Variants in SHISA5 observed in about 807,000 individuals in gnomAD.
SHISA5 encodes shisa family member 5, also known as protein shisa-5.
In SHISA5, 21 loss-of-function variants were observed where a neutral mutation model predicts 27.5. The observed-to-expected ratio is 0.76, with a 90% CI of 0.54 to 1.10. SHISA5 has a LOEUF of 1.10. Ranked by LOEUF, SHISA5 falls within the 50% of genes least tolerant of loss-of-function variation. SHISA5 has a pLI of 0.00. For missense variants in SHISA5, 314 were observed against 336.3 expected (o/e 0.93, Z 0.52); for synonymous variants, 137 against 142.2 (o/e 0.96, Z 0.26).
In SHISA5 at chr3:48,470,014, G is replaced by A. The variant is rs1415445637; in HGVS notation, c.315-171C>T. ...CAATCTGTTTCCTCTTGTGTAAACTGGGGTATATGTGAGTCCCTGTAACTG... is the reference window on the plus strand; with the variant it reads ...CAATCTGTTTCCTCTTGTGTAAACTAGGGTATATGTGAGTCCCTGTAACTG... On this transcript the variant is annotated intron_variant, in intron 3 of 5. Coordinates refer to ENST00000296444, the MANE Select transcript of SHISA5 (RefSeq NM_016479.6). This position sits in a 1 kb window ranked among gnomAD's most constrained non-coding sequence, Gnocchi z 4.3. 8.3e-6 allele frequency: 7 copies of A among 839,804 alleles called. No individual in the cohort carries two copies. The highest frequency in any genetic ancestry group is 1.3e-5 in the Non-Finnish European group (7 of 543,628). 52.0% of individuals were successfully genotyped at this position (839,804 alleles called of 1,614,324 possible). A position where few individuals can be genotyped will look rare whatever the true frequency, so the allele number is the denominator to read the frequency against.
At chr3:48,486,461 T>TA (rs377736172) in intron 2 of SHISA5, among the ~76,000 whole-genome samples, 1 of 106,128 alleles carries the variant, frequency 9.4e-6, no homozygotes, top group African/African-American at 4.0e-5. Context: ...TATTATATAT[T>TA]TATAATTATA....
chr3:48,471,102 A>T (rs1156232270), intron 3 of SHISA5, among the ~76,000 whole-genome samples: 1 of 151,910 alleles, frequency 6.6e-6, no homozygotes, highest in African/African-American at 2.4e-5. Context: ...ATCACAGTTC[A>T]CTGCAGCCTC....
At chr3:48,500,846 C>T (rs952960356) in intron 2 of SHISA5, among the ~76,000 whole-genome samples, 3 of 152,272 alleles carry the variant, frequency 2.0e-5, no homozygotes, top group South Asian at 4.1e-4. Context: ...GGTACACACC[C>T]GGGGTGAGTC....
Position 48,469,303 on chromosome 3 carries a change from G to T in SHISA5, c.643+58C>A, listed in dbSNP as rs767337391. 1.9e-6 allele frequency: 3 copies of T among 1,566,346 alleles called. No individual in the cohort carries two copies. Among genetic ancestry groups the T allele is most frequent in the Middle Eastern group, 1.8e-4 (1 of 5,536 alleles). On this transcript the variant is annotated intron_variant, in intron 5 of 5. Coordinates refer to ENST00000296444, the MANE Select transcript of SHISA5 (RefSeq NM_016479.6). The surrounding 1 kb of genome is among the most constrained non-coding windows in gnomAD (Gnocchi z 4.6). ...GATGTAGTTTGGGATGGGTGCCCGAGGGATGCTGGCAGAGACTCGGGAAGT... is the reference window on the plus strand; with the variant it reads ...GATGTAGTTTGGGATGGGTGCCCGATGGATGCTGGCAGAGACTCGGGAAGT...
rs997708659 is a variant in SHISA5, at chr3:48,495,324, C to T, written c.233+5813G>A. Among the ~76,000 whole-genome samples, 8 of 77,320 alleles carry T rather than the reference C, an allele frequency of 1.0e-4. 1 individual carries two copies. Among genetic ancestry groups the T allele is most frequent in the African/African-American group, 5.2e-4 (7 of 13,352 alleles). The allele number at this position is 77,320 out of a possible 152,430, so 50.7% of individuals were successfully genotyped here. A position where few individuals can be genotyped will look rare whatever the true frequency, so the allele number is the denominator to read the frequency against. ...ACCCAGAAAAAATATGTTCCTTTTA[C>T]GACGCTTTTTTTTTTTTTTTAATAG... On this transcript the variant is annotated intron_variant, in intron 2 of 5. Transcript: ENST00000296444.
intron 1 of SHISA5, chr3:48,503,714 A>C (rs1575337815): frequency 8.5e-7 from 1 of 1,179,670 alleles, no homozygotes; most frequent in Non-Finnish European, 1.1e-6. Flanking sequence ...CAGGCAGGGA[A>C]CCCTACCCTA....
intron 3 of SHISA5, among the ~76,000 whole-genome samples, chr3:48,475,877 C>T (rs1164688610): frequency 6.6e-6 from 1 of 152,196 alleles, no homozygotes. Flanking sequence ...CAGAGATTCA[C>T]TTGCCAAAGT....
chr3:48,503,855 G>A, intron 1 of SHISA5, 164 bp downstream of exon 1: 1 of 1,308,020 alleles, frequency 7.6e-7, no homozygotes, highest in Non-Finnish European at 9.7e-7. Context: ...TGCTGGGGTG[G>A]AGGAGGGGTC....
chr3:48,497,557 G>A (rs564519274), intron 2 of SHISA5, among the ~76,000 whole-genome samples: 24 of 151,364 alleles, frequency 1.6e-4, no homozygotes, highest in African/African-American at 5.1e-4. Context: ...CACCGCACCC[G>A]GCCAGAAAAA....
intron 2 of SHISA5, 104 bp downstream of exon 2, chr3:48,501,033 G>T: frequency 7.7e-7 from 1 of 1,297,796 alleles, no homozygotes; most frequent in Non-Finnish European, 1.1e-6. Context: ...CCACCATCTT[G>T]AGAGGGCTGA....
chr3:48,499,629 A>G (rs2041691545), intron 2 of SHISA5, among the ~76,000 whole-genome samples: 2 of 147,500 alleles, frequency 1.4e-5, no homozygotes, highest in Admixed American at 6.9e-5. Flanking sequence ...GCAGTGAGCC[A>G]AGATCGCACC....
At chr3:48,501,020 T>C (rs556239900) in intron 2 of SHISA5, 117 bp downstream of exon 2, 13 of 1,206,412 alleles carry the variant, frequency 1.1e-5, no homozygotes, top group African/African-American at 1.1e-4. Flanking sequence ...TCCAATGCTC[T>C]GGCCACCATC....
At chr3:48,489,775 A>C (rs571724096) in intron 2 of SHISA5, among the ~76,000 whole-genome samples, 1 of 150,826 alleles carries the variant, frequency 6.6e-6, no homozygotes, top group Non-Finnish European at 1.5e-5. Flanking sequence ...CTACAAGTGC[A>C]TGCTACCATG....
At position 48,474,099 on chromosome 3, in the gene SHISA5, T is replaced by C. The variant is rs148987986; in HGVS notation, c.315-4256A>G. On this transcript the variant is annotated intron_variant, in intron 3 of 5. Coordinates refer to ENST00000296444, the MANE Select transcript of SHISA5 (RefSeq NM_016479.6). ...AATAAAGGAAATTTTATTATTATTATTTTTTTGAGGCAGGGTCTCACTCTG... is the reference window on the plus strand; with the variant it reads ...AATAAAGGAAATTTTATTATTATTACTTTTTTGAGGCAGGGTCTCACTCTG... Among the ~76,000 whole-genome samples, 3 of 151,800 alleles carry C rather than the reference T, an allele frequency of 2.0e-5. No individual in the cohort carries two copies. The East Asian group carries it at 5.9e-4, about 30-fold the overall frequency.
intron 1 of SHISA5, chr3:48,503,141 G>A: frequency 2.3e-6 from 3 of 1,289,836 alleles, no homozygotes; most frequent in Non-Finnish European, 3.0e-6. Flanking sequence ...TGGCTCAGGT[G>A]AACCCATATG....
intron 2 of SHISA5, among the ~76,000 whole-genome samples, chr3:48,485,701 G>C (rs896969824): frequency 2.0e-5 from 3 of 149,414 alleles, no homozygotes; most frequent in Non-Finnish European, 4.4e-5. Flanking sequence ...AAAGAAATCA[G>C]TGTGAAAGCT....
intron 3 of SHISA5, chr3:48,477,215 C>T: frequency 2.7e-6 from 1 of 374,626 alleles, no homozygotes. Context: ...CTGCCTCAGC[C>T]TACAGAGTAG....
chr3:48,492,044 GAGT>G (rs71074253), intron 2 of SHISA5, among the ~76,000 whole-genome samples: 11,658 of 149,116 alleles, frequency 0.078, 946 homozygotes, highest in African/African-American at 0.21. Flanking sequence ...TTAGAGTTAA[GAGT>G]AGTTGATGCT....
chr3:48,496,390 G>A lies in SHISA5; in HGVS notation c.233+4747C>T, dbSNP rs553639608. Among the ~76,000 whole-genome samples the A allele has an allele frequency of 1.6e-4, 25 of 151,930 alleles. 1 individual carries two copies. In the South Asian group the frequency reaches 3.9e-3, roughly 24 times the overall value. ...AGGTGGTTCACAAGGTCAGGAGATCGAGACCATCCTGGCTAACATGGTGAA... is the reference window on the plus strand; with the variant it reads ...AGGTGGTTCACAAGGTCAGGAGATCAAGACCATCCTGGCTAACATGGTGAA... On this transcript the variant is annotated intron_variant, in intron 2 of 5. Coordinates refer to ENST00000296444, the MANE Select transcript of SHISA5 (RefSeq NM_016479.6).
Sources: gnomAD v4.1 joint callset for allele counts (sites outside exome capture counted in the v4.1 genomes callset) on GRCh38, gnomAD v4.1.1 for gene constraint, Gnocchi (gnomAD v3.1) non-coding constraint, MANE v1.5 for transcripts, NCBI Gene and HGNC (gene_info 2026-07-23, HGNC 2026-07-21) for gene names.